ANKRD11: variants seen among roughly 807,000 people sequenced by gnomAD.
The protein encoded by ANKRD11 is ankyrin repeat domain 11.
Under a neutral mutation model 195.7 loss-of-function variants are expected in ANKRD11, and 17 were observed. That is an observed-to-expected ratio of 0.09 (90% CI 0.06 to 0.13). ANKRD11 has a LOEUF of 0.13. ANKRD11 is among the 10% of genes least tolerant of loss of function. ANKRD11 has a pLI of 1.00. For synonymous variants in ANKRD11, 1,953 were observed against 1,528.1 expected (o/e 1.28, Z -6.49); for missense variants, 3,735 against 3,566.1 (o/e 1.05, Z -1.21).
At chr16:89,361,721 C>G (rs993012158) in intron 2 of ANKRD11, 1 of 152,222 alleles carries the variant, frequency 6.6e-6, no homozygotes, top group African/African-American at 2.4e-5. Context: ...CCAGAAATAT[C>G]ACTTTCAAGC....
chr16:89,288,623 C>A lies in ANKRD11; in HGVS notation c.649G>T (p.Ala217Ser), dbSNP rs201064656. 1 of 1,614,140 alleles carries A rather than the reference C, an allele frequency of 6.2e-7. No homozygotes were observed. ...EACNRGYYDV[A>S]KQLLAAGAEV... ...GCACCTGCAGCCAGCAGCTGCTTCG[C>A]GACGTCGTAGTAGCCCCGGTTACAG... Residue 217 changes from alanine (A) to serine (S), a missense_variant, in exon 7 of 13, where the codon GCG becomes TCG. Physicochemically the swap from Ala to Ser is moderately conservative, Grantham distance 99. Transcript: ENST00000301030.
rs1290474949 is a variant in ANKRD11, at chr16:89,323,417, CTG to C, written c.-59-6341_-59-6340del. ...GAGCAAGCAGCCCAGGGCAGGGGGG[CTG>C]AGCCGAGGGCAGGGGGGCTGAGCCG... On this transcript the variant is annotated intron_variant, in intron 2 of 12. Coordinates refer to ENST00000301030, the MANE Select transcript of ANKRD11 (RefSeq NM_013275.6). 4.9e-5 allele frequency: 55 copies of C among 1,116,196 alleles called. 2 individuals carry two copies. In the African/African-American group the frequency reaches 8.7e-4, roughly 18 times the overall value. 69.1% of individuals were successfully genotyped at this position (1,116,196 alleles called of 1,614,324 possible).
intron 2 of ANKRD11, among the ~76,000 whole-genome samples, chr16:89,408,904 G>C (rs2042011354): frequency 1.3e-5 from 2 of 152,232 alleles, no homozygotes; most frequent in Admixed American, 1.3e-4. Flanking sequence ...GCCTCTCACA[G>C]ACCTTAGGAG....
chr16:89,376,343 G>A (rs2040422795), intron 2 of ANKRD11, among the ~76,000 whole-genome samples: 1 of 152,208 alleles, frequency 6.6e-6, no homozygotes, highest in Non-Finnish European at 1.5e-5. Context: ...CAAGATAACA[G>A]GAGAAGCAGC....
At chr16:89,376,581 G>A (rs1411987539) in intron 2 of ANKRD11, among the ~76,000 whole-genome samples, 4 of 152,154 alleles carry the variant, frequency 2.6e-5, no homozygotes, top group Admixed American at 2.0e-4. Flanking sequence ...GGGACCACAG[G>A]CGCCCACCAC....
chr16:89,346,451 A>C (rs2038946747), intron 2 of ANKRD11, among the ~76,000 whole-genome samples: 1 of 152,126 alleles, frequency 6.6e-6, no homozygotes, highest in Non-Finnish European at 1.5e-5. Context: ...ATAACACAAT[A>C]ATCACGCAAT....
At chr16:89,320,769 G>A (rs1402648846) in intron 2 of ANKRD11, among the ~76,000 whole-genome samples, 3 of 152,276 alleles carry the variant, frequency 2.0e-5, no homozygotes, top group African/African-American at 7.2e-5. Context: ...AGTGGACAGT[G>A]TCTGCGGCCA....
At chr16:89,361,113 C>T (rs2039711275) in intron 2 of ANKRD11, among the ~76,000 whole-genome samples, 1 of 152,204 alleles carries the variant, frequency 6.6e-6, no homozygotes, top group Admixed American at 6.5e-5. Context: ...AACCTGTCAA[C>T]CCAATTACAG....
In ANKRD11 at chr16:89,270,799, G is replaced by A. The variant is rs1327773566; in HGVS notation, c.7806+18C>T. The A allele has an allele frequency of 6.2e-7, 1 of 1,611,716 alleles. No individual in the cohort carries two copies. The highest frequency in any genetic ancestry group is 1.3e-5 in the African/African-American group (1 of 74,840). ...GCAGCCTCCCCCAGGCAGAACTGAG[G>A]GGACGCGCAACACCGACCTTCATGC... is the stretch of plus-strand genomic sequence containing the variant. On this transcript the variant is annotated intron_variant, in intron 12 of 12. Coordinates refer to ENST00000301030, the MANE Select transcript of ANKRD11 (RefSeq NM_013275.6).
chr16:89,338,849 T>C (rs533841630), intron 2 of ANKRD11, among the ~76,000 whole-genome samples: 2 of 152,246 alleles, frequency 1.3e-5, no homozygotes, highest in South Asian at 4.2e-4. Flanking sequence ...TTCCCTTTCT[T>C]AGCTAAAAGG....
intron 2 of ANKRD11, among the ~76,000 whole-genome samples, chr16:89,354,256 A>G (rs936715411): frequency 1.3e-5 from 2 of 151,966 alleles, no homozygotes; most frequent in East Asian, 1.9e-4. Flanking sequence ...AAAAAAAAAA[A>G]AAAAGAAAAC....
At position 89,281,838 on chromosome 16, in the gene ANKRD11, G is replaced by A; in HGVS notation, c.4704C>T (p.Pro1568=). The A allele has an allele frequency of 1.9e-6, 3 of 1,613,966 alleles. No homozygotes were observed. The highest frequency in any genetic ancestry group is 2.2e-5 in the East Asian group (1 of 44,872). ...SKDPGKKDAR[P]REKLLGDGDL... ...CGCCGTCCCCCAGGAGCTTCTCCCT[G>A]GGCCTGGCGTCTTTCTTGCCTGGGT... The change falls in exon 9 of 13, where the codon CCC becomes CCT. Residue 1568 remains proline (P), a synonymous_variant. Coordinates refer to ENST00000301030, the MANE Select transcript of ANKRD11 (RefSeq NM_013275.6). This position sits in a 1 kb window ranked among gnomAD's most constrained non-coding sequence, Gnocchi z 5.5.
chr16:89,448,273 T>C (rs909943535), intron 1 of ANKRD11, among the ~76,000 whole-genome samples: 35 of 150,876 alleles, frequency 2.3e-4, no homozygotes, highest in African/African-American at 8.2e-4. Flanking sequence ...TATGTGCAAA[T>C]TATTTCCATG....
intron 3 of ANKRD11, among the ~76,000 whole-genome samples, chr16:89,314,912 A>C (rs2036854976): frequency 6.6e-6 from 1 of 152,306 alleles, no homozygotes; most frequent in South Asian, 2.1e-4. Context: ...GTCTGTTCAC[A>C]CAGCTGCTCC....
intron 1 of ANKRD11, among the ~76,000 whole-genome samples, chr16:89,442,154 C>T (rs762534179): frequency 1.9e-4 from 29 of 152,324 alleles, no homozygotes; most frequent in Admixed American, 4.6e-4. Flanking sequence ...AGGCGAAGGC[C>T]GCAGGGGGAG....
At chr16:89,355,342 G>A (rs962115760) in intron 2 of ANKRD11, among the ~76,000 whole-genome samples, 3 of 152,170 alleles carry the variant, frequency 2.0e-5, no homozygotes, top group East Asian at 1.9e-4. Context: ...AAAGAGGAAC[G>A]TGCAGGACTC....
At chr16:89,353,203 A>G (rs1358589622) in intron 2 of ANKRD11, among the ~76,000 whole-genome samples, 6 of 151,996 alleles carry the variant, frequency 3.9e-5, no homozygotes, top group South Asian at 2.1e-4. Flanking sequence ...TTAGCCGTGC[A>G]TGGTGGCAGA....
At chr16:89,465,974 T>C (rs1233881478) in intron 1 of ANKRD11, among the ~76,000 whole-genome samples, 1 of 152,128 alleles carries the variant, frequency 6.6e-6, no homozygotes, top group African/African-American at 2.4e-5. Context: ...CCTCCCAAAG[T>C]GCTGGAATTA....
intron 1 of ANKRD11, among the ~76,000 whole-genome samples, chr16:89,419,321 C>T (rs1022769981): frequency 5.9e-5 from 9 of 151,904 alleles, no homozygotes; most frequent in African/African-American, 1.9e-4. Context: ...GGTGTGGTGG[C>T]TTGTACCTGT....
Sources: allele counts gnomAD v4.1 joint callset (sites outside exome capture counted in the v4.1 genomes callset), GRCh38; gene constraint gnomAD v4.1.1; non-coding constraint Gnocchi (gnomAD v3.1); transcripts MANE v1.5; gene names NCBI Gene and HGNC (gene_info 2026-07-23, HGNC 2026-07-21).